GYS1: variants seen among roughly 807,000 people sequenced by gnomAD.
GYS1 encodes the protein glycogen synthase 1, also known as glycogen [starch] synthase, muscle.
In GYS1, 60 loss-of-function variants were observed where a neutral mutation model predicts 89.1. The ratio of observed to expected loss-of-function variants is 0.67; its 90% confidence interval spans 0.55 to 0.84. The LOEUF is 0.84. Among genes scored for constraint, GYS1 ranks in the 40% least tolerant of loss-of-function variants. The pLI, the probability that GYS1 is intolerant of heterozygous loss-of-function variation, is 0.00. For synonymous variants in GYS1, 366 were observed against 401.7 expected, an observed-to-expected ratio of 0.91 and a Z score of 1.06; for missense variants, 888 against 1,003.1, an observed-to-expected ratio of 0.89 and a Z score of 1.55.
chr19:48,983,648 C>T (rs2038798534), intron 5 of GYS1, among the ~76,000 whole-genome samples: 1 of 152,160 alleles, frequency 6.6e-6, no homozygotes. Flanking sequence ...ATAGAGCTAA[C>T]CAGTCAAAGG....
Position 48,982,756 on chromosome 19 carries a change from G to A in GYS1, c.905C>T (p.Ala302Val), listed in dbSNP as rs1020447544. Residue 302 changes from alanine (A) to valine (V), a missense_variant, in exon 6 of 16, where the codon GCT (alanine) becomes GTT (valine). Transcript: ENST00000323798. ...GCCCCGCACAAACTCCTGGATTCGA[G>A]CCTTGCTCTGAGCATGGAGGTTCTG... Reference protein sequence around the residue: ...EFQNLHAQSKARIQEFVRGHF... With the variant: ...EFQNLHAQSKVRIQEFVRGHF... 1.2e-6 allele frequency: 2 copies of A among 1,613,536 alleles called. No homozygotes were observed. The highest frequency in any genetic ancestry group is 1.7e-6 in the Non-Finnish European group (2 of 1,179,464).
At chr19:48,978,226 G>A in intron 8 of GYS1, 69 bp from the exon 9 acceptor site, 1 of 1,317,422 alleles carries the variant, frequency 7.6e-7, no homozygotes. Context: ...TCTTTAGTTA[G>A]TTTGTTTGTT....
rs1460570378 is a variant in GYS1, at chr19:48,993,041, CA to C, written c.71del (p.Leu24ArgfsTer30). Reference protein sequence around the residue: ...GLEDWEDEFDLENAVLFEVAW... With the variant: ...GLEDWEDEFDXENAVLFEVAW... ...CCACTTCGAAGAGCACTGCGTTCTC[CA>C]GGTCGAATTCATCCTCCCAGTCCTC... On this transcript the variant is annotated frameshift_variant, in exon 1 of 16. Transcript: ENST00000323798. LOFTEE classifies it high-confidence loss of function. The C allele has an allele frequency of 6.2e-7, 1 of 1,613,616 alleles. No individual in the cohort carries two copies. Among genetic ancestry groups the C allele is most frequent in the Non-Finnish European group, 8.5e-7 (1 of 1,179,582 alleles).
Position 48,993,148 on chromosome 19 carries a change from G to A in GYS1, c.-36C>T. 3 of 1,190,142 alleles carry A rather than the reference G, an allele frequency of 2.5e-6. No individual in the cohort carries two copies. The highest frequency in any genetic ancestry group is 1.2e-5 in the South Asian group (1 of 82,642). 73.7% of individuals were successfully genotyped at this position (1,190,142 alleles called of 1,614,324 possible). ...GGAAGGGGGGCTCCGGGGATCTCCA[G>A]GTAGGGACCCCGGAGGTGTCTAGGG... On this transcript the variant is annotated 5_prime_UTR_variant, in exon 1 of 16. Coordinates refer to ENST00000323798, the MANE Select transcript of GYS1 (RefSeq NM_002103.5).
intron 10 of GYS1, 81 bp downstream of exon 10, chr19:48,977,843 C>T (rs1037602100): frequency 1.3e-5 from 13 of 1,022,922 alleles, no homozygotes; most frequent in Admixed American, 3.4e-5. Context: ...CCAGCAATCT[C>T]TGGGGTCTGA....
intron 10 of GYS1, among the ~76,000 whole-genome samples, chr19:48,976,003 C>G (rs556249576): frequency 1.3e-5 from 2 of 151,376 alleles, no homozygotes; most frequent in East Asian, 3.9e-4. Context: ...CCAAGAGTCT[C>G]TGGAGCAAGA....
chr19:48,989,949 G>T (rs1170013578), intron 2 of GYS1, among the ~76,000 whole-genome samples: 1 of 144,838 alleles, frequency 6.9e-6, no homozygotes, highest in East Asian at 2.2e-4. Flanking sequence ...GCTGCCTGGA[G>T]CCTCGCTCTG....
chr19:48,977,039 T>C (rs984170193), intron 10 of GYS1, among the ~76,000 whole-genome samples: 5 of 151,744 alleles, frequency 3.3e-5, no homozygotes, highest in Non-Finnish European at 7.4e-5. Context: ...TCCTCCCACC[T>C]CAGCCTCCCA....
intron 5 of GYS1, among the ~76,000 whole-genome samples, chr19:48,983,540 T>C (rs1038380579): frequency 7.9e-5 from 12 of 152,174 alleles, no homozygotes; most frequent in South Asian, 2.1e-4. Context: ...TCCAAGCTTC[T>C]TACAGGGACC....
At chr19:48,992,645 G>A (rs944752971) in intron 1 of GYS1, among the ~76,000 whole-genome samples, 1 of 152,000 alleles carries the variant, frequency 6.6e-6, no homozygotes, top group Non-Finnish European at 1.5e-5. Context: ...CTGAAACCCC[G>A]GCAGCTTCCC....
chr19:48,974,181 T>C (rs972570379), intron 12 of GYS1, 32 bp downstream of exon 12: 5 of 1,569,290 alleles, frequency 3.2e-6, no homozygotes, highest in Admixed American at 1.9e-5. Flanking sequence ...TAGGATGCCA[T>C]GACCACGCTG....
At chr19:48,986,132 G>A in intron 3 of GYS1, 97 bp from the exon 4 acceptor site, 1 of 1,077,460 alleles carries the variant, frequency 9.3e-7, no homozygotes, top group Non-Finnish European at 1.4e-6. Flanking sequence ...AGGTCAATCT[G>A]TCACCACTAC....
At chr19:48,979,877 C>A (rs146252605) in intron 8 of GYS1, among the ~76,000 whole-genome samples, 1,651 of 151,774 alleles carry the variant, frequency 0.011, 30 homozygotes, top group African/African-American at 0.037. Context: ...AAACTCCCGA[C>A]CTCAGGTGAT....
chr19:48,976,101 T>C (rs1351770460), intron 10 of GYS1, among the ~76,000 whole-genome samples: 1 of 151,840 alleles, frequency 6.6e-6, no homozygotes, highest in Non-Finnish European at 1.5e-5. Context: ...AAGATTTTAC[T>C]TACCACCACT....
At chr19:48,990,025 C>T (rs964661478) in intron 2 of GYS1, among the ~76,000 whole-genome samples, 3 of 107,138 alleles carry the variant, frequency 2.8e-5, no homozygotes, top group African/African-American at 4.0e-5. Context: ...TATTCTTAGG[C>T]CCCCAGCACG....
Position 48,981,638 on chromosome 19 carries a change from TG to T in GYS1, c.1063-3del. 1 of 1,599,410 alleles carries T rather than the reference TG, an allele frequency of 6.3e-7. No homozygotes were observed. The highest frequency in any genetic ancestry group is 1.7e-5 in the Admixed American group (1 of 59,992). On this transcript the variant is annotated splice_region_variant and splice_polypyrimidine_tract_variant and intron_variant, in intron 7 of 15. Coordinates refer to ENST00000323798, the MANE Select transcript of GYS1 (RefSeq NM_002103.5). ...CACTGTCTGCTCGCTGCCGTTCACC[TG>T]CGCAGAAAGAAAGGAGGGGGAGGCC...
chr19:48,993,216 C>T lies in GYS1; in HGVS notation c.-104G>A. On this transcript the variant is annotated 5_prime_UTR_variant, in exon 1 of 16. Transcript: ENST00000323798. Reference sequence around the variant, plus strand: ...GCGGGGCCGAGTAGCTGGTGCCCGACGGGAAGCTTGCAAGACGCTCGGCTT... The same window carrying T: ...GCGGGGCCGAGTAGCTGGTGCCCGATGGGAAGCTTGCAAGACGCTCGGCTT... 1.3e-6 allele frequency: 1 copy of T among 775,450 alleles called. No homozygotes were observed. Among genetic ancestry groups the T allele is most frequent in the Non-Finnish European group, 2.3e-6 (1 of 425,806 alleles). 48.0% of individuals were successfully genotyped at this position (775,450 alleles called of 1,614,324 possible). A position where few individuals can be genotyped will look rare whatever the true frequency, so the allele number is the denominator to read the frequency against.
chr19:48,968,223 T>C lies in GYS1; in HGVS notation c.*1065A>G. On this transcript the variant is annotated 3_prime_UTR_variant, in exon 16 of 16. Coordinates refer to ENST00000323798, the MANE Select transcript of GYS1 (RefSeq NM_002103.5). ...CCCCTCTCAACTGCAAACCAAGCGGTGCAGACACAGCACAGCACACATGAG... is the reference window on the plus strand; with the variant it reads ...CCCCTCTCAACTGCAAACCAAGCGGCGCAGACACAGCACAGCACACATGAG... The C allele has an allele frequency of 2.2e-6, 1 of 454,146 alleles. No homozygotes were observed. The highest frequency in any genetic ancestry group is 1.6e-5 in the South Asian group (1 of 64,474). The allele number at this position is 454,146 out of a possible 1,614,324, so 28.1% of individuals were successfully genotyped here.
chr19:48,970,866 A>G, intron 13 of GYS1, 62 bp downstream of exon 13: 2 of 1,450,518 alleles, frequency 1.4e-6, no homozygotes, highest in Non-Finnish European at 1.9e-6. Context: ...CCTCCTTCCC[A>G]GGATCCAGGA....
Sources: gnomAD v4.1 joint callset for allele counts (sites outside exome capture counted in the v4.1 genomes callset) on GRCh38, gnomAD v4.1.1 for gene constraint, MANE v1.5 for transcripts, NCBI Gene and HGNC (gene_info 2026-07-23, HGNC 2026-07-21) for gene names.